Variants in SSBP1 observed in about 807,000 individuals in gnomAD.
SSBP1 encodes single-stranded DNA-binding protein, mitochondrial.
SSBP1 carries 20 observed loss-of-function variants against 27.0 expected under a neutral mutation model. That is an observed-to-expected ratio of 0.74 (90% confidence interval 0.52 to 1.08). SSBP1 has a LOEUF of 1.08. SSBP1 is among the 50% of genes least tolerant of loss of function. SSBP1 has a pLI of 0.00. For synonymous variants in SSBP1, 59 were observed against 59.3 expected, an observed-to-expected ratio of 1.00 and a Z score of 0.02; for missense variants, 137 against 182.4, an observed-to-expected ratio of 0.75 and a Z score of 1.44.
intron 6 of SSBP1, among the ~76,000 whole-genome samples, chr7:141,748,094 C>G (rs1053619670): frequency 2.0e-5 from 3 of 149,770 alleles, no homozygotes; most frequent in African/African-American, 7.4e-5. Flanking sequence ...CCTACCATTT[C>G]GCTTCAGTGT....
In SSBP1 at chr7:141,743,690, T is replaced by C. The variant is rs200664859; in HGVS notation, c.215T>C (p.Val72Ala). ...ATGTGGCGATCAGGGGATAGTGAAG[T>C]TTACCAACTGGGTGAGTACAAAAGA... Reference protein sequence around the residue: ...NEMWRSGDSEVYQLGDVSQKT... With the variant: ...NEMWRSGDSEAYQLGDVSQKT... The change falls in exon 4 of 7, where the codon GTT becomes GCT. Residue 72 changes from valine to alanine, a missense_variant. Val to Ala is a moderately conservative substitution (Grantham distance 64). Around this residue, in one of 2 missense-constraint regions of SSBP1, gnomAD observed 95 missense variants for 152.0 expected, o/e 0.62. Transcript: ENST00000265304. 9.9e-6 allele frequency: 16 copies of C among 1,614,136 alleles called. No individual in the cohort carries two copies. The East Asian group carries it at 3.1e-4, about 31-fold the overall frequency.
chr7:141,750,208 C>CAGCACTAAAG, intron 6 of SSBP1, 103 bp from the exon 7 acceptor site: 2 of 825,170 alleles, frequency 2.4e-6, no homozygotes, highest in Non-Finnish European at 1.9e-6. Flanking sequence ...GGCTAAAATC[C>CAGCACTAAAG]TTTTAATGAA....
intron 6 of SSBP1, among the ~76,000 whole-genome samples, chr7:141,748,978 G>C (rs1393174185): frequency 1.3e-5 from 2 of 152,150 alleles, no homozygotes; most frequent in African/African-American, 2.4e-5. Flanking sequence ...GTCCTTGGTG[G>C]ATAATTTTAT....
intron 6 of SSBP1, among the ~76,000 whole-genome samples, chr7:141,749,648 G>C (rs921145195): frequency 6.6e-6 from 1 of 152,104 alleles, no homozygotes; most frequent in Admixed American, 6.5e-5. Context: ...CAGGCATGGT[G>C]GTGCACACCT....
chr7:141,743,425 A>G, intron 3 of SSBP1, 136 bp from the exon 4 acceptor site: 1 of 1,004,182 alleles, frequency 1.0e-6, no homozygotes, highest in Non-Finnish European at 1.5e-6. Context: ...TCTAAGCCTA[A>G]TTACCTTTTA....
intron 6 of SSBP1, among the ~76,000 whole-genome samples, chr7:141,749,603 G>A (rs1799895215): frequency 6.6e-6 from 1 of 152,156 alleles, no homozygotes; most frequent in Non-Finnish European, 1.5e-5. Flanking sequence ...CCAACATGGT[G>A]AAACCCTGTC....
intron 5 of SSBP1, among the ~76,000 whole-genome samples, chr7:141,744,933 TG>T (rs1433393443): frequency 1.3e-5 from 2 of 152,186 alleles, no homozygotes; most frequent in Non-Finnish European, 2.9e-5. Context: ...CGATTAGGTT[TG>T]TTATCTAGTT....
At chr7:141,749,415 C>T (rs936466473) in intron 6 of SSBP1, among the ~76,000 whole-genome samples, 4 of 152,184 alleles carry the variant, frequency 2.6e-5, no homozygotes, top group African/African-American at 7.2e-5. Context: ...TTAAGAGCAA[C>T]GTCTGATATT....
At chr7:141,745,706 A>G (rs1342275619) in intron 6 of SSBP1, 122 bp downstream of exon 6, 5 of 1,450,308 alleles carry the variant, frequency 3.4e-6, no homozygotes, top group Middle Eastern at 1.9e-4. Context: ...GCAACTCACT[A>G]GAAGATGTCC....
rs1799652893 is a variant in SSBP1 at position 141,743,588 on chromosome 7, G to A, written c.113G>A (p.Arg38Gln). ...CTGAATCGTGTGCACTTACTTGGGC[G>A]AGTGGGTCAGGACCCTGTCTTGAGA... Reference protein sequence around the residue: ...RSLNRVHLLGRVGQDPVLRQV... With the variant: ...RSLNRVHLLGQVGQDPVLRQV... Residue 38 changes from arginine (R) to glutamine (Q), a missense_variant, in exon 4 of 7, where the codon CGA becomes CAA. Physicochemically the swap from Arg to Gln is conservative, Grantham distance 43 (BLOSUM62 1). Coordinates refer to ENST00000265304, the MANE Select transcript of SSBP1 (RefSeq NM_003143.3). 2 of 1,614,154 alleles carry A rather than the reference G, an allele frequency of 1.2e-6. No homozygotes were observed. The highest frequency in any genetic ancestry group is 1.7e-6 in the Non-Finnish European group (2 of 1,180,026).
intron 3 of SSBP1, among the ~76,000 whole-genome samples, chr7:141,742,560 T>G (rs1799583762): frequency 6.6e-6 from 1 of 152,232 alleles, no homozygotes; most frequent in African/African-American, 2.4e-5. Context: ...CACAGAAATA[T>G]TCCCTTGTGT....
intron 3 of SSBP1, 47 bp downstream of exon 3, chr7:141,742,276 C>T: frequency 6.9e-7 from 1 of 1,444,866 alleles, no homozygotes; most frequent in Non-Finnish European, 9.7e-7. Flanking sequence ...TAGTAATTTG[C>T]CAATCTCAAA....
At chr7:141,743,879 A>G (rs769933477) in intron 4 of SSBP1, 23 bp from the exon 5 acceptor site, 9 of 1,598,958 alleles carry the variant, frequency 5.6e-6, no homozygotes, top group Non-Finnish European at 7.7e-6. Context: ...ATTTGTAACC[A>G]ATTTCCTATT....
At chr7:141,744,669 CAATA>C (rs895148048) in intron 5 of SSBP1, among the ~76,000 whole-genome samples, 3 of 152,140 alleles carry the variant, frequency 2.0e-5, no homozygotes, top group Non-Finnish European at 4.4e-5. Context: ...TTTTTCTTTT[CAATA>C]ACTGTATAGC....
intron 2 of SSBP1, chr7:141,741,902 G>T: frequency 2.8e-6 from 2 of 710,996 alleles, no homozygotes; most frequent in East Asian, 3.8e-5. Context: ...AGGAGATGTC[G>T]CAAAATAAAT....
intron 5 of SSBP1, among the ~76,000 whole-genome samples, chr7:141,744,529 T>G (rs1799695862): frequency 6.6e-6 from 1 of 152,224 alleles, no homozygotes; most frequent in Non-Finnish European, 1.5e-5. Context: ...AAAGTATGTT[T>G]TCCAAACTCA....
At chr7:141,739,830 C>G (rs977767165) in intron 2 of SSBP1, 1 of 152,328 alleles carries the variant, frequency 6.6e-6, no homozygotes, top group South Asian at 2.1e-4. Context: ...CTCCATGACT[C>G]TGTCATTTTC....
intron 6 of SSBP1, 26 bp from the exon 7 acceptor site, chr7:141,750,285 A>G (rs1477756687): frequency 1.3e-6 from 2 of 1,520,616 alleles, no homozygotes; most frequent in Non-Finnish European, 1.8e-6. Context: ...TCTGAAATTA[A>G]TATTTACATT....
chr7:141,740,811 G>A (rs1429756869), intron 2 of SSBP1: 1 of 152,170 alleles, frequency 6.6e-6, no homozygotes, highest in African/African-American at 2.4e-5. Context: ...GCTCACTACT[G>A]AAGCTGTTTA....
Sources: allele counts gnomAD v4.1 joint callset (sites outside exome capture counted in the v4.1 genomes callset), GRCh38; gene constraint gnomAD v4.1.1; regional missense constraint gnomAD v4.1.1; transcripts MANE v1.5; gene names NCBI Gene and HGNC (gene_info 2026-07-23, HGNC 2026-07-21).